DGKG: variants seen among roughly 807,000 people sequenced by gnomAD.
The protein encoded by DGKG is diacylglycerol kinase gamma.
Under a neutral mutation model 105.3 loss-of-function variants are expected in DGKG, and 78 were observed. That is an observed-to-expected ratio of 0.74 (90% CI 0.62 to 0.89). The LOEUF (loss-of-function observed/expected upper bound fraction) is 0.89, where lower values mean the gene tolerates loss of function less well. DGKG is among the 40% of genes least tolerant of loss of function. The pLI is 0.00. For missense variants in DGKG, 958 were observed against 1,020.1 expected (o/e 0.94, Z 0.83); for synonymous variants, 346 against 367.1 (o/e 0.94, Z 0.66).
chr3:186,220,142 G>A (rs1214690572), intron 20 of DGKG, among the ~76,000 whole-genome samples: 2 of 152,134 alleles, frequency 1.3e-5, no homozygotes, highest in East Asian at 1.9e-4. Flanking sequence ...CCAGAGACAC[G>A]GATTGAATGG....
chr3:186,241,318 C>T (rs1473575425), intron 20 of DGKG, among the ~76,000 whole-genome samples: 3 of 147,654 alleles, frequency 2.0e-5, no homozygotes, highest in African/African-American at 5.1e-5. Flanking sequence ...TTTGGGAGGC[C>T]GAGGAGGACG....
In DGKG at chr3:186,148,245, G is replaced by T. The variant is rs1031377348; in HGVS notation, c.*1845C>A. The T allele has an allele frequency of 5.1e-6, 5 of 985,340 alleles. No individual in the cohort carries two copies. Among genetic ancestry groups the T allele is most frequent in the Non-Finnish European group, 6.0e-6 (5 of 829,972 alleles). 61.0% of individuals were successfully genotyped at this position (985,340 alleles called of 1,614,324 possible). ...GCTCTGCTGAGACCCCTCTGTCCTG[G>T]CTGGCAGTATCTTGCAGAAGACGCC... On this transcript the variant is annotated 3_prime_UTR_variant, in exon 25 of 25. Transcript: ENST00000265022.
At chr3:186,273,894 G>T (rs34648256) in intron 10 of DGKG, among the ~76,000 whole-genome samples, 83,277 of 152,006 alleles carry the variant, frequency 0.55, 23,290 homozygotes, top group East Asian at 0.6. Flanking sequence ...ATCACGGGGC[G>T]GGCGGCAGGG....
chr3:186,360,072 A>G (rs1727155899), intron 1 of DGKG, among the ~76,000 whole-genome samples: 1 of 152,106 alleles, frequency 6.6e-6, no homozygotes, highest in South Asian at 2.1e-4. Context: ...CTTTCCTCGC[A>G]GAGGCTCACA....
chr3:186,301,237 C>T (rs968757349), intron 3 of DGKG, among the ~76,000 whole-genome samples: 1 of 152,170 alleles, frequency 6.6e-6, no homozygotes, highest in African/African-American at 2.4e-5. Flanking sequence ...CTTCCTTAAC[C>T]CCATGTCCAT....
chr3:186,157,650 A>T (rs189475823), intron 24 of DGKG, among the ~76,000 whole-genome samples: 2 of 152,196 alleles, frequency 1.3e-5, no homozygotes, highest in Non-Finnish European at 2.9e-5. Flanking sequence ...ATTTTCATTC[A>T]TCTTCTTAAG....
intron 19 of DGKG, among the ~76,000 whole-genome samples, chr3:186,248,741 AAGCTCAGTGGTCCAC>A (rs1388908248): frequency 6.6e-6 from 1 of 152,126 alleles, no homozygotes; most frequent in Non-Finnish European, 1.5e-5. Flanking sequence ...AGGAGGCACA[AAGCTCAGTGGTCCAC>A]AGCTCAGTTG....
At position 186,247,472 on chromosome 3, in the gene DGKG, C is replaced by T. The variant is rs990746051; in HGVS notation, c.1761+4287G>A. ...AAAGACCTTGGCAGGGCTCTCTTTG[C>T]CAGTGGAGTCCGCCTCTATTTGATC... On this transcript the variant is annotated intron_variant, in intron 19 of 24. Coordinates refer to ENST00000265022, the MANE Select transcript of DGKG (RefSeq NM_001346.3). Among the ~76,000 whole-genome samples the T allele has an allele frequency of 2.0e-5, 3 of 152,260 alleles. 1 individual carries two copies. The highest frequency in any genetic ancestry group is 6.8e-3 in the Middle Eastern group (2 of 294).
intron 14 of DGKG, 164 bp from the exon 15 acceptor site, chr3:186,261,942 G>A (rs1721796231): frequency 1.8e-6 from 1 of 557,318 alleles, no homozygotes; most frequent in Non-Finnish European, 3.2e-6. Context: ...AAGTAGCTAA[G>A]TGTCTCCAGT....
rs1003956437 is a variant in DGKG, at chr3:186,240,844, A to T, written c.1826+1660T>A. 6.0e-5 allele frequency among the ~76,000 whole-genome samples: 9 copies of T among 151,218 alleles called. No individual in the cohort carries two copies. The South Asian group carries it at 1.9e-3, about 32-fold the overall frequency. Reference sequence around the variant, plus strand: ...AAAAAGATACTTGTGTGAAAAGAGGACCTTAAAAGCCTGAGGAATGGGTTG... The same window carrying T: ...AAAAAGATACTTGTGTGAAAAGAGGTCCTTAAAAGCCTGAGGAATGGGTTG... On this transcript the variant is annotated intron_variant, in intron 20 of 24. Transcript: ENST00000265022.
At chr3:186,234,583 C>G (rs537790254) in intron 20 of DGKG, among the ~76,000 whole-genome samples, 1 of 152,134 alleles carries the variant, frequency 6.6e-6, no homozygotes, top group South Asian at 2.1e-4. Flanking sequence ...GATCACAAAC[C>G]GATTCTACTC....
intron 20 of DGKG, among the ~76,000 whole-genome samples, chr3:186,239,587 G>A (rs1392062080): frequency 2.0e-5 from 3 of 152,202 alleles, no homozygotes; most frequent in Non-Finnish European, 4.4e-5. Flanking sequence ...TTTAGACATG[G>A]GCGAATAGGC....
At chr3:186,302,724 T>G (rs1724040634) in intron 3 of DGKG, among the ~76,000 whole-genome samples, 1 of 151,760 alleles carries the variant, frequency 6.6e-6, no homozygotes, top group African/African-American at 2.4e-5. Context: ...AGTCCGTATC[T>G]TCAAAGAGTC....
intron 20 of DGKG, among the ~76,000 whole-genome samples, chr3:186,241,327 C>CG (rs3831853): frequency 0.14 from 21,530 of 151,800 alleles, 1,625 homozygotes; most frequent in Middle Eastern, 0.22. Context: ...CCGAGGAGGA[C>CG]GGGTCACTTG....
chr3:186,219,744 G>GA (rs1167681389), intron 20 of DGKG, among the ~76,000 whole-genome samples: 3 of 150,104 alleles, frequency 2.0e-5, no homozygotes, highest in Non-Finnish European at 3.0e-5. Flanking sequence ...AAGGGGCTCA[G>GA]AAAAAAAAAG....
intron 20 of DGKG, among the ~76,000 whole-genome samples, chr3:186,232,806 A>G (rs1239783599): frequency 2.0e-5 from 3 of 152,232 alleles, no homozygotes; most frequent in Non-Finnish European, 4.4e-5. Flanking sequence ...CACCCTATTT[A>G]ATATTAAATA....
chr3:186,225,369 T>C (rs1245518760), intron 20 of DGKG, among the ~76,000 whole-genome samples: 3 of 150,994 alleles, frequency 2.0e-5, no homozygotes, highest in Non-Finnish European at 4.4e-5. Flanking sequence ...CAGTTCACAT[T>C]TATAGCACCA....
chr3:186,163,413 C>G (rs1716394229), intron 23 of DGKG, among the ~76,000 whole-genome samples: 1 of 152,106 alleles, frequency 6.6e-6, no homozygotes, highest in African/African-American at 2.4e-5. Context: ...TTTTGGAGGC[C>G]TCTGGTCTGG....
intron 21 of DGKG, among the ~76,000 whole-genome samples, chr3:186,202,996 A>C (rs1038632837): frequency 6.6e-6 from 1 of 152,248 alleles, no homozygotes; most frequent in Non-Finnish European, 1.5e-5. Context: ...GGAAAATAAA[A>C]GCATATGAAT....
Sources: gnomAD v4.1 joint callset for allele counts (sites outside exome capture counted in the v4.1 genomes callset) on GRCh38, gnomAD v4.1.1 for gene constraint, MANE v1.5 for transcripts, NCBI Gene and HGNC (gene_info 2026-07-23, HGNC 2026-07-21) for gene names.